Variants in NHSL2 observed in about 807,000 individuals in gnomAD.
NHSL2 encodes the protein NHS-like protein 2.
A neutral mutation model predicts 53.4 loss-of-function variants in NHSL2; 27 were observed. That is an observed-to-expected ratio of 0.51 (90% CI 0.37 to 0.70). The LOEUF (loss-of-function observed/expected upper bound fraction) is 0.70. Among genes scored for constraint, NHSL2 ranks in the 30% least tolerant of loss-of-function variants. NHSL2 has a pLI of 0.00. For synonymous variants in NHSL2, 408 were observed against 404.1 expected, an observed-to-expected ratio of 1.01 and a Z score of -0.12; for missense variants, 892 against 980.1, an observed-to-expected ratio of 0.91 and a Z score of 1.20.
chrX:71,930,566 C>T (rs781146291), intron 1 of NHSL2, among the ~76,000 whole-genome samples: 2 of 112,371 alleles, frequency 1.8e-5, no homozygotes, highest in East Asian at 5.6e-4. Context: ...CCACCAGTCC[C>T]TGGTAACCAC....
chrX:72,033,475 G>A (rs28817313), intron 1 of NHSL2, among the ~76,000 whole-genome samples: 17 of 111,975 alleles, frequency 1.5e-4, no homozygotes, highest in African/African-American at 4.6e-4. Flanking sequence ...GTGAGCCACC[G>A]TGCCCGGCCT....
chrX:72,065,717 T>C, intron 1 of NHSL2, among the ~76,000 whole-genome samples: 1 of 111,831 alleles, frequency 8.9e-6, no homozygotes, highest in African/African-American at 3.3e-5. Flanking sequence ...ACATGGAAAA[T>C]GGAAGCTGGG....
chrX:72,005,096 T>TTGG (rs1447360846), intron 1 of NHSL2, among the ~76,000 whole-genome samples: 1 of 111,513 alleles, frequency 9.0e-6, no homozygotes, highest in Non-Finnish European at 1.9e-5. Flanking sequence ...TCAGTAGGCA[T>TTGG]TGGTTATATG....
intron 1 of NHSL2, among the ~76,000 whole-genome samples, chrX:72,068,819 G>A (rs2042447764): frequency 8.9e-6 from 1 of 112,257 alleles, no homozygotes; most frequent in African/African-American, 3.2e-5. Context: ...AGGCAAAGCA[G>A]GAGAGGGAGG....
intron 1 of NHSL2, among the ~76,000 whole-genome samples, chrX:72,004,159 G>A (rs1251632540): frequency 8.9e-6 from 1 of 112,596 alleles, no homozygotes; most frequent in Non-Finnish European, 1.9e-5. Flanking sequence ...GTGGGAGATG[G>A]TGGAGGGGAG....
At chrX:71,952,435 G>T (rs972274621) in intron 1 of NHSL2, among the ~76,000 whole-genome samples, 1 of 111,873 alleles carries the variant, frequency 8.9e-6, no homozygotes, top group African/African-American at 3.3e-5. Context: ...AATTTATAAT[G>T]AATAGAAACT....
At chrX:71,979,690 A>T (rs1223293481) in intron 1 of NHSL2, among the ~76,000 whole-genome samples, 3 of 111,088 alleles carry the variant, frequency 2.7e-5, no homozygotes, top group Non-Finnish European at 5.7e-5. Flanking sequence ...GATTGCAAAA[A>T]TTTTTTCCCA....
intron 1 of NHSL2, among the ~76,000 whole-genome samples, chrX:72,103,929 C>T (rs949374921): frequency 8.9e-6 from 1 of 112,737 alleles, no homozygotes; most frequent in Non-Finnish European, 1.9e-5. Flanking sequence ...ATGTGGGATG[C>T]GTGACATTCA....
At chrX:71,990,442 C>G (rs1315849442) in intron 1 of NHSL2, among the ~76,000 whole-genome samples, 1 of 111,292 alleles carries the variant, frequency 9.0e-6, no homozygotes, top group East Asian at 2.8e-4. Context: ...ATCCAGCCAT[C>G]CAGCCCACCT....
intron 1 of NHSL2, chrX:72,128,265 G>A (rs1035892991): frequency 1.8e-5 from 2 of 111,850 alleles, no homozygotes; most frequent in Non-Finnish European, 3.8e-5. Context: ...CCAGGCCCAA[G>A]ATCCTAAGGT....
At chrX:71,928,586 T>G (rs1027208877) in intron 1 of NHSL2, among the ~76,000 whole-genome samples, 2 of 111,136 alleles carry the variant, frequency 1.8e-5, no homozygotes, top group African/African-American at 6.6e-5. Context: ...GTGGATGGCA[T>G]TTTTGGAGTT....
chrX:71,980,097 C>T lies in NHSL2; in HGVS notation c.280+68730C>T, dbSNP rs184762588. The stretch of plus-strand genomic sequence containing the variant: ...AGATGTGTGGAATTATTTCTGAGGG[C>T]TCTGTTCTGTTCCATTGGTCTATAT... On this transcript the variant is annotated intron_variant, in intron 1 of 7. Transcript: ENST00000633930. Among the ~76,000 whole-genome samples, 19 of 111,712 alleles carry T rather than the reference C, an allele frequency of 1.7e-4. No homozygotes were observed. The East Asian group carries it at 3.4e-3, about 20-fold the overall frequency.
chrX:72,001,284 C>G (rs2042071718), intron 1 of NHSL2, among the ~76,000 whole-genome samples: 2 of 111,937 alleles, frequency 1.8e-5, no homozygotes. Flanking sequence ...GTGCCAGAGC[C>G]CTCCTTTCCA....
intron 1 of NHSL2, among the ~76,000 whole-genome samples, chrX:72,041,037 TC>T (rs2042271528): frequency 8.9e-6 from 1 of 112,085 alleles, no homozygotes; most frequent in Non-Finnish European, 1.9e-5. Context: ...GAGGAGGAAG[TC>T]CCTAACTTTG....
chrX:72,134,497 C>T lies in NHSL2; in HGVS notation c.565-12C>T. On this transcript the variant is annotated splice_polypyrimidine_tract_variant and intron_variant, in intron 3 of 7. Coordinates refer to ENST00000633930, the MANE Select transcript of NHSL2 (RefSeq NM_001013627.3). ...AGGAATACACCCTTTCCATCACCTT[C>T]TCTCCCAACAGCCTACAAAACGGCA... The T allele has an allele frequency of 2.6e-6, 3 of 1,158,543 alleles. No individual in the cohort carries two copies. The highest frequency in any genetic ancestry group is 3.5e-6 in the Non-Finnish European group (3 of 864,591).
chrX:72,108,479 C>T (rs765854824), intron 1 of NHSL2, among the ~76,000 whole-genome samples: 4 of 112,763 alleles, frequency 3.5e-5, no homozygotes, highest in Non-Finnish European at 7.5e-5. Context: ...GTGAATCTCC[C>T]AGGGTCACAC....
intron 1 of NHSL2, among the ~76,000 whole-genome samples, chrX:72,026,241 G>A (rs12558410): frequency 0.012 from 1,344 of 111,933 alleles, 58 homozygotes; most frequent in East Asian, 0.084. Context: ...TTGAAATGGC[G>A]CTGCCCAGGC....
chrX:71,950,964 C>T lies in NHSL2; in HGVS notation c.280+39597C>T, dbSNP rs763270589. ...TCAACAATTAATCTTCTATAATGCT[C>T]AACATTCCAATGCCACATATTTGGA... On this transcript the variant is annotated intron_variant, in intron 1 of 7. Coordinates refer to ENST00000633930, the MANE Select transcript of NHSL2 (RefSeq NM_001013627.3). 5.6e-5 allele frequency among the ~76,000 whole-genome samples: 6 copies of T among 106,689 alleles called. No individual in the cohort carries two copies. The South Asian group carries it at 2.5e-3, about 44-fold the overall frequency. The allele number at this position is 106,689 out of a possible 115,157, so 92.6% of individuals were successfully genotyped here.
chrX:72,131,231 A>G, intron 1 of NHSL2: 4 of 1,203,254 alleles, frequency 3.3e-6, no homozygotes, highest in Non-Finnish European at 4.5e-6. Context: ...ACGTTAATCA[A>G]AAGATCATCC....
Sources: allele counts gnomAD v4.1 joint callset (sites outside exome capture counted in the v4.1 genomes callset), GRCh38; gene constraint gnomAD v4.1.1; transcripts MANE v1.5; gene names NCBI Gene and HGNC (gene_info 2026-07-23, HGNC 2026-07-21).